The following GSE1 variants were observed in gnomAD, a reference collection of about 807,000 sequenced individuals.
GSE1 encodes the protein Gse1 coiled-coil protein.
A neutral mutation model predicts 112.6 loss-of-function variants in GSE1; 32 were observed. The ratio of observed to expected loss-of-function variants is 0.28; its 90% CI spans 0.21 to 0.38. The LOEUF (loss-of-function observed/expected upper bound fraction) is 0.38, where lower values mean the gene tolerates loss of function less well. Among genes scored for constraint, GSE1 ranks in the 10% least tolerant of loss-of-function variants. The pLI is 1.00. For synonymous variants in GSE1, 1,115 were observed against 735.6 expected (o/e 1.52, Z -8.35); for missense variants, 2,348 against 1,699.2 (o/e 1.38, Z -6.71).
chr16:85,438,861 C>T (rs2049311149), intron 2 of GSE1, among the ~76,000 whole-genome samples: 2 of 152,196 alleles, frequency 1.3e-5, no homozygotes, highest in Non-Finnish European at 2.9e-5. Flanking sequence ...CTGTGCAGCT[C>T]CCGTACTGAC....
chr16:85,289,570 G>A (rs920368593), intron 1 of GSE1, among the ~76,000 whole-genome samples: 2 of 152,222 alleles, frequency 1.3e-5, no homozygotes, highest in African/African-American at 4.8e-5. Context: ...CCCAGGGAAG[G>A]CCAATGTGCT....
intron 1 of GSE1, among the ~76,000 whole-genome samples, chr16:85,598,129 TTCTC>T (rs950957807): frequency 2.2e-4 from 34 of 151,760 alleles, no homozygotes; most frequent in Admixed American, 1.8e-3. Flanking sequence ...ATCGGCGTTT[TTCTC>T]TCTCTCTTTC....
intron 2 of GSE1, among the ~76,000 whole-genome samples, chr16:85,530,683 A>T (rs533796501): frequency 4.1e-4 from 62 of 152,318 alleles, no homozygotes; most frequent in African/African-American, 1.3e-3. Flanking sequence ...GAAAATTGCT[A>T]CCTGAAGCCT....
chr16:85,292,371 C>G (rs972806376), intron 1 of GSE1, among the ~76,000 whole-genome samples: 2 of 149,774 alleles, frequency 1.3e-5, no homozygotes, highest in African/African-American at 4.9e-5. Flanking sequence ...GCTCTGTCAA[C>G]AGGCTGGAGT....
rs758821397 is a variant in GSE1, at chr16:85,222,413, C to T, written c.2283+50606C>T. 1.4e-4 allele frequency among the ~76,000 whole-genome samples: 21 copies of T among 152,276 alleles called. No homozygotes were observed. The East Asian group carries it at 3.5e-3, about 25-fold the overall frequency. ...GCCCCCTGCTTGCGTGAAATGGGGT[C>T]GGCACATTCCACTTGGGGATTATCT... On this transcript the variant is annotated intron_variant, in intron 1 of 2. Coordinates refer to the GSE1 transcript ENST00000637419.
At chr16:85,613,554 A>C (rs971096338) in intron 1 of GSE1, among the ~76,000 whole-genome samples, 156 bp downstream of exon 1, 1 of 150,180 alleles carries the variant, frequency 6.7e-6, no homozygotes. Flanking sequence ...GAGGGCGGGC[A>C]GGCGACCAAA....
intron 1 of GSE1, among the ~76,000 whole-genome samples, chr16:85,321,716 A>T (rs2046110608): frequency 6.6e-6 from 1 of 150,960 alleles, no homozygotes. Flanking sequence ...TGGGTGGCTG[A>T]GGCAGGGGGA....
Position 85,597,953 on chromosome 16 carries a change from G to A in GSE1, c.37+41590G>A, listed in dbSNP as rs534728605. On this transcript the variant is annotated intron_variant, in intron 1 of 2. Coordinates refer to the GSE1 transcript ENST00000635906. ...CTTACGGGTAGAGATCGGCCCTCAG[G>A]GTATTCAGAAGGGTGTCCTGCTTCT... is the stretch of plus-strand genomic sequence containing the variant. Among the ~76,000 whole-genome samples the A allele has an allele frequency of 2.6e-5, 4 of 152,186 alleles. No individual in the cohort carries two copies. The East Asian group carries it at 7.7e-4, about 29-fold the overall frequency.
intron 2 of GSE1, among the ~76,000 whole-genome samples, chr16:85,500,419 G>A (rs770625786): frequency 2.2e-4 from 34 of 152,194 alleles, no homozygotes; most frequent in Admixed American, 7.2e-4. Context: ...TAAATCACTC[G>A]GCACTTCAAA....
At chr16:85,628,157 G>A (rs556961635) in intron 1 of GSE1, among the ~76,000 whole-genome samples, 3 of 152,282 alleles carry the variant, frequency 2.0e-5, no homozygotes, top group South Asian at 4.1e-4. Context: ...AGCTGCGCCC[G>A]GCTGCTGCGG....
chr16:85,493,232 T>G (rs2051066222), intron 2 of GSE1, among the ~76,000 whole-genome samples: 1 of 152,150 alleles, frequency 6.6e-6, no homozygotes, highest in Non-Finnish European at 1.5e-5. Flanking sequence ...GGGGGATTGC[T>G]TGAAGCCAGG....
upstream of GSE1, chr16:85,555,869 C>CAATTCAT (rs2045183245): frequency 3.6e-6 from 3 of 825,630 alleles, no homozygotes; most frequent in African/African-American, 1.9e-5. Context: ...GATCTTAACC[C>CAATTCAT]CCCAATTTCA....
chr16:85,602,704 G>C (rs559867370), intron 1 of GSE1, among the ~76,000 whole-genome samples: 23 of 152,346 alleles, frequency 1.5e-4, no homozygotes, highest in African/African-American at 5.3e-4. Flanking sequence ...CACCCAGCCT[G>C]AGGACAGCCG....
rs370456274 is a variant in GSE1, at chr16:85,557,307, A to C, written c.37+944A>C. On this transcript the variant is annotated intron_variant, in intron 1 of 2. Coordinates refer to the GSE1 transcript ENST00000635906. ...GGTCAGGAAGGCTGTGCTGCGTGTG[A>C]CTGCTGGTTCTAGGAATGAGCTGAT... Among the ~76,000 whole-genome samples the C allele has an allele frequency of 9.3e-4, 142 of 152,150 alleles. 1 individual carries two copies. Among genetic ancestry groups the C allele is most frequent in the African/African-American group, 3.2e-3 (131 of 41,504 alleles).
At chr16:85,268,469 A>G (rs1908489820) in intron 1 of GSE1, among the ~76,000 whole-genome samples, 1 of 152,008 alleles carries the variant, frequency 6.6e-6, no homozygotes, top group African/African-American at 2.4e-5. Context: ...CTAGTTTGCT[A>G]TCACTCTTCT....
At chr16:85,655,308 T>C (rs1261226534) in intron 5 of GSE1, among the ~76,000 whole-genome samples, 1 of 152,214 alleles carries the variant, frequency 6.6e-6, no homozygotes, top group Non-Finnish European at 1.5e-5. Flanking sequence ...GATGCTTTGC[T>C]GTGTAGCAGG....
At chr16:85,246,950 C>T (rs79185778) in intron 1 of GSE1, among the ~76,000 whole-genome samples, 102 of 152,170 alleles carry the variant, frequency 6.7e-4, no homozygotes, top group East Asian at 4.6e-3. Flanking sequence ...GTTGCCAAGG[C>T]GCTTCCCAGT....
chr16:85,624,421 G>A (rs1010027430), intron 1 of GSE1, among the ~76,000 whole-genome samples: 1 of 152,234 alleles, frequency 6.6e-6, no homozygotes, highest in Non-Finnish European at 1.5e-5. Context: ...AAGTGGGGCT[G>A]GGGGAGGCCT....
chr16:85,314,818 A>T (rs1007000835), intron 1 of GSE1, among the ~76,000 whole-genome samples: 10 of 152,186 alleles, frequency 6.6e-5, no homozygotes, highest in Middle Eastern at 3.4e-3. Context: ...TCTGTGTCTC[A>T]TGTATCTTCC....
Sources: gnomAD v4.1 joint callset for allele counts (sites outside exome capture counted in the v4.1 genomes callset) on GRCh38, gnomAD v4.1.1 for gene constraint, MANE v1.5 for transcripts, NCBI Gene and HGNC (gene_info 2026-07-23, HGNC 2026-07-21) for gene names.